NOX4: variants seen among roughly 807,000 people sequenced by gnomAD.
The protein encoded by NOX4 is kidney oxidase-1.
NOX4 carries 69 observed loss-of-function variants against 87.6 expected under a neutral mutation model. The ratio of observed to expected loss-of-function variants is 0.79; its 90% CI spans 0.65 to 0.96. The LOEUF (loss-of-function observed/expected upper bound fraction) is 0.96, where lower values mean the gene tolerates loss of function less well. Ranked by LOEUF, NOX4 falls within the 40% of genes least tolerant of loss-of-function variation. NOX4 has a pLI of 0.00. For missense variants in NOX4, 680 were observed against 681.5 expected (o/e 1.00, Z 0.02); for synonymous variants, 275 against 238.2 (o/e 1.15, Z -1.42).
intron 17 of NOX4, among the ~76,000 whole-genome samples, chr11:89,331,728 T>G (rs1478882105): frequency 1.3e-5 from 2 of 151,680 alleles, no homozygotes; most frequent in Admixed American, 1.3e-4. Flanking sequence ...CAAGTATTAA[T>G]TATAAAATAA....
chr11:89,565,105 T>C, the NOX4 span, among the ~76,000 whole-genome samples: 1 of 152,176 alleles, frequency 6.6e-6, no homozygotes, highest in Non-Finnish European at 1.5e-5. Context: ...AGAATTTACA[T>C]CTTAAAATAT....
chr11:89,561,025 C>CAT, the NOX4 span, among the ~76,000 whole-genome samples: 3 of 69,236 alleles, frequency 4.3e-5, no homozygotes, highest in East Asian at 4.1e-4. Flanking sequence ...TATATACATA[C>CAT]ACACACACAT....
chr11:89,407,986 A>AT (rs35623871), intron 8 of NOX4, among the ~76,000 whole-genome samples: 84,024 of 151,498 alleles, frequency 0.55, 24,895 homozygotes, highest in African/African-American at 0.76. Flanking sequence ...TTATAATATG[A>AT]TTTTTTTTCT....
intron 2 of NOX4, among the ~76,000 whole-genome samples, chr11:89,473,574 G>C (rs1946040312): frequency 6.6e-6 from 1 of 151,870 alleles, no homozygotes; most frequent in South Asian, 2.1e-4. Context: ...AGTGAATATA[G>C]GATATTCAAT....
the NOX4 span, among the ~76,000 whole-genome samples, chr11:89,541,329 A>T: frequency 1.3e-5 from 2 of 152,118 alleles, no homozygotes; most frequent in African/African-American, 4.8e-5. Context: ...ACTCCCTAAG[A>T]AGAGTTTTTT....
the NOX4 span, among the ~76,000 whole-genome samples, chr11:89,513,543 C>T: frequency 1.3e-5 from 2 of 151,810 alleles, no homozygotes; most frequent in African/African-American, 4.8e-5. Context: ...ATAATCTTTG[C>T]AATACAATTG....
chr11:89,456,665 C>T (rs76558923), intron 2 of NOX4, among the ~76,000 whole-genome samples: 3,603 of 152,232 alleles, frequency 0.024, 128 homozygotes, highest in African/African-American at 0.078. Flanking sequence ...TCTGTCCTCA[C>T]CAGGAATCCC....
chr11:89,349,134 A>G (rs1946340317), intron 13 of NOX4, among the ~76,000 whole-genome samples: 1 of 151,914 alleles, frequency 6.6e-6, no homozygotes, highest in Non-Finnish European at 1.5e-5. Flanking sequence ...TAAAAATACA[A>G]AAATTAGCCC....
intron 17 of NOX4, among the ~76,000 whole-genome samples, chr11:89,333,158 A>G (rs1286623497): frequency 1.3e-5 from 2 of 151,826 alleles, no homozygotes; most frequent in East Asian, 3.9e-4. Context: ...GAATTAGGGT[A>G]GTAGGAGTCA....
intron 6 of NOX4, among the ~76,000 whole-genome samples, chr11:89,438,372 T>TATAATATATAATATATAATTATAATATAA (rs1375751514): frequency 3.1e-5 from 3 of 96,928 alleles, no homozygotes; most frequent in African/African-American, 8.2e-5. Flanking sequence ...ATATAATATA[T>TATAATATATAATATATAATTATAATATAA]ATAATATATA....
intron 11 of NOX4, among the ~76,000 whole-genome samples, chr11:89,379,381 A>G (rs892586121): frequency 7.9e-5 from 12 of 152,106 alleles, no homozygotes; most frequent in African/African-American, 2.9e-4. Context: ...TTAAAAAAAA[A>G]AAAATCTGTT....
upstream of NOX4, among the ~76,000 whole-genome samples, chr11:89,494,573 G>A (rs1455150650): frequency 1.3e-5 from 2 of 152,128 alleles, no homozygotes; most frequent in Admixed American, 6.5e-5. Context: ...TTTACACAAC[G>A]TTTATTAGAT....
In NOX4 at chr11:89,431,995, T is replaced by C. The variant is rs1943814947; in HGVS notation, c.548+789A>G. On this transcript the variant is annotated intron_variant, in intron 7 of 17. Transcript: ENST00000263317. ...GACTGGATTAAGAATATGTGGCACA[T>C]ATACACCATGGATTACTATGCAGCC... 2.0e-5 allele frequency among the ~76,000 whole-genome samples: 3 copies of C among 152,150 alleles called. No individual in the cohort carries two copies. In the South Asian group the frequency reaches 6.2e-4, roughly 32 times the overall value.
intron 11 of NOX4, among the ~76,000 whole-genome samples, chr11:89,388,439 T>C (rs1473405022): frequency 3.9e-5 from 6 of 152,186 alleles, no homozygotes; most frequent in Non-Finnish European, 8.8e-5. Context: ...TACAAAGATT[T>C]GGCCCCCTGA....
chr11:89,587,224 TAGAA>T, the NOX4 span, among the ~76,000 whole-genome samples: 16 of 151,948 alleles, frequency 1.1e-4, no homozygotes, highest in Admixed American at 3.9e-4. Flanking sequence ...TGCAGTAACA[TAGAA>T]GGGAGAGGAT....
chr11:89,366,833 G>A (rs1382451206), intron 12 of NOX4, among the ~76,000 whole-genome samples: 2 of 151,906 alleles, frequency 1.3e-5, no homozygotes, highest in Admixed American at 6.6e-5. Context: ...TATTTACTAA[G>A]CAATTTTTAT....
chr11:89,574,334 A>G, the NOX4 span, among the ~76,000 whole-genome samples: 4 of 152,330 alleles, frequency 2.6e-5, no homozygotes, highest in African/African-American at 9.6e-5. Context: ...CCATGGACCC[A>G]GGAATCTTCC....
chr11:89,489,745 G>A (rs1472202446), intron 2 of NOX4, among the ~76,000 whole-genome samples: 35 of 129,882 alleles, frequency 2.7e-4, no homozygotes, highest in Admixed American at 3.9e-4. Context: ...AAAAAAGAAA[G>A]AAAGAAAGAA....
intron 2 of NOX4, among the ~76,000 whole-genome samples, chr11:89,452,594 T>C (rs1316882584): frequency 6.6e-6 from 1 of 152,170 alleles, no homozygotes; most frequent in East Asian, 1.9e-4. Context: ...TGTATATATG[T>C]ATGGGTACAA....
Sources: allele counts gnomAD v4.1 joint callset (sites outside exome capture counted in the v4.1 genomes callset), GRCh38; gene constraint gnomAD v4.1.1; transcripts MANE v1.5; gene names NCBI Gene and HGNC (gene_info 2026-07-23, HGNC 2026-07-21).